LCA5: variants seen among roughly 807,000 people sequenced by gnomAD.
LCA5 encodes lebercilin.
Under a neutral mutation model 53.0 loss-of-function variants are expected in LCA5, and 37 were observed. The observed-to-expected ratio is 0.70, with a 90% CI of 0.54 to 0.92. The LOEUF is 0.92. Ranked by LOEUF, LCA5 falls within the 40% of genes least tolerant of loss-of-function variation. The probability of loss-of-function intolerance (pLI) is 0.00; values close to 1 mark genes in which losing one functional copy is unlikely to be tolerated. For missense variants in LCA5, 806 were observed against 790.5 expected (o/e 1.02, Z -0.23); for synonymous variants, 303 against 282.9 (o/e 1.07, Z -0.71).
At chr6:79,510,922 G>A (rs1770394259) in intron 3 of LCA5, among the ~76,000 whole-genome samples, 1 of 152,088 alleles carries the variant, frequency 6.6e-6, no homozygotes, top group African/African-American at 2.4e-5. Context: ...AACACCAAAT[G>A]CTGGCAAGGA....
chr6:79,521,369 C>A (rs1298603578), intron 1 of LCA5, among the ~76,000 whole-genome samples: 1 of 152,166 alleles, frequency 6.6e-6, no homozygotes, highest in Non-Finnish European at 1.5e-5. Context: ...GTTCGAATGA[C>A]TTTAAAACAC....
Position 79,485,798 on chromosome 6 carries a change from A to G in LCA5, c.*1206T>C, listed in dbSNP as rs1769635745. ...TTCTTCCCAACACACTATTTCCACC[A>G]CTCTTCATTTTAACAATGTTTTCTC... On this transcript the variant is annotated 3_prime_UTR_variant, in exon 8 of 8. Coordinates refer to ENST00000369846, the MANE Select transcript of LCA5 (RefSeq NM_001122769.3). 1 of 151,736 alleles carries G rather than the reference A, an allele frequency of 6.6e-6. No homozygotes were observed. Among genetic ancestry groups the G allele is most frequent in the African/African-American group, 2.4e-5 (1 of 41,260 alleles). The allele number at this position is 151,736 out of a possible 1,614,324, so 9.4% of individuals were successfully genotyped here.
intron 3 of LCA5, among the ~76,000 whole-genome samples, chr6:79,506,197 C>G (rs2127675667): frequency 6.6e-6 from 1 of 152,188 alleles, no homozygotes; most frequent in East Asian, 1.9e-4. Context: ...TTAAAAAAGT[C>G]TTAATAGTTT....
In LCA5 at chr6:79,518,713, T is replaced by G. The variant is rs747256721; in HGVS notation, c.182A>C (p.His61Pro). Reference sequence around the variant, plus strand: ...TTTTAAAGAATGCTTACCTTGGTGATGTACTTGGCCATCTGAAGTTTGTCT... The same window carrying G: ...TTTTAAAGAATGCTTACCTTGGTGAGGTACTTGGCCATCTGAAGTTTGTCT... Reference protein sequence around the residue: ...PKRQTSDGQVHHQAPRKPSPK... With the variant: ...PKRQTSDGQVPHQAPRKPSPK... The change falls in exon 2 of 8, where the codon CAT (histidine) becomes CCT (proline). Residue 61 changes from histidine (H) to proline (P), a missense_variant. Physicochemically the swap from His to Pro is moderately conservative, Grantham distance 77 (BLOSUM62 -2). Coordinates refer to ENST00000369846, the MANE Select transcript of LCA5 (RefSeq NM_001122769.3). The G allele has an allele frequency of 1.2e-6, 2 of 1,614,028 alleles. No homozygotes were observed. The highest frequency in any genetic ancestry group is 1.1e-5 in the South Asian group (1 of 91,078).
intron 1 of LCA5, among the ~76,000 whole-genome samples, chr6:79,535,836 G>T (rs542108765): frequency 2.0e-5 from 3 of 152,266 alleles, no homozygotes; most frequent in Admixed American, 6.5e-5. Context: ...CTGAAGACTG[G>T]ATTATTGGGA....
intron 3 of LCA5, among the ~76,000 whole-genome samples, chr6:79,512,627 T>C (rs1196652997): frequency 6.6e-6 from 1 of 151,868 alleles, no homozygotes; most frequent in African/African-American, 2.4e-5. Flanking sequence ...GATACATATA[T>C]ATATAGAAGG....
chr6:79,491,943 CACTATT>C (rs1243670518), intron 5 of LCA5, among the ~76,000 whole-genome samples: 10 of 151,936 alleles, frequency 6.6e-5, no homozygotes, highest in African/African-American at 1.4e-4. Context: ...GGTTAATACT[CACTATT>C]ACTATTTTTG....
At chr6:79,537,615 C>A (rs995538586), upstream of LCA5, among the ~76,000 whole-genome samples, 2 of 152,194 alleles carry the variant, frequency 1.3e-5, no homozygotes, top group South Asian at 2.1e-4. Context: ...GAAATTGGGG[C>A]AAAACGCGGA....
chr6:79,500,605 G>A (rs907442936), intron 3 of LCA5, among the ~76,000 whole-genome samples: 2 of 152,098 alleles, frequency 1.3e-5, no homozygotes, highest in African/African-American at 4.8e-5. Context: ...AGTATTCCTA[G>A]AAGGTAGACA....
At chr6:79,532,496 G>T (rs1766986846) in intron 1 of LCA5, among the ~76,000 whole-genome samples, 1 of 152,104 alleles carries the variant, frequency 6.6e-6, no homozygotes, top group South Asian at 2.1e-4. Context: ...GTCTACTTCT[G>T]TATCCTTACA....
intron 1 of LCA5, among the ~76,000 whole-genome samples, chr6:79,526,570 A>G (rs1054852316): frequency 2.6e-5 from 4 of 151,936 alleles, no homozygotes; most frequent in Admixed American, 6.6e-5. Flanking sequence ...CAAAACAACA[A>G]ATTTTACCTA....
chr6:79,510,671 C>T (rs1175235819), intron 3 of LCA5, among the ~76,000 whole-genome samples: 1 of 152,086 alleles, frequency 6.6e-6, no homozygotes, highest in Non-Finnish European at 1.5e-5. Flanking sequence ...TGGGAGAAAA[C>T]TTTTGTAAAC....
chr6:79,530,519 G>GAAAAC (rs573838733), intron 1 of LCA5, among the ~76,000 whole-genome samples: 122 of 152,126 alleles, frequency 8.0e-4, no homozygotes, highest in African/African-American at 2.8e-3. Flanking sequence ...GTTTAAGAAA[G>GAAAAC]AAAACAAAAC....
At position 79,487,592 on chromosome 6, in the gene LCA5, T is replaced by C; in HGVS notation, c.1506A>G (p.Pro502=). 6.2e-7 allele frequency: 1 copy of C among 1,614,072 alleles called. No homozygotes were observed. The highest frequency in any genetic ancestry group is 8.5e-7 in the Non-Finnish European group (1 of 1,179,934). Residue 502 remains proline (P), a synonymous_variant, in exon 8 of 8, where the codon CCA becomes CCG. Coordinates refer to ENST00000369846, the MANE Select transcript of LCA5 (RefSeq NM_001122769.3). ...ACCTGTATGTTTTGGGGCTTCTCTC[T>C]GGGGAGTGTAGTTTTGATTCAAAAT... The part of the protein sequence containing the change: ...LPDFESKLHS[P]ERSPKTYRFS...
chr6:79,514,811 G>A (rs1285517733), intron 2 of LCA5, among the ~76,000 whole-genome samples: 2 of 152,086 alleles, frequency 1.3e-5, no homozygotes, highest in African/African-American at 4.8e-5. Context: ...GCTAAATGAT[G>A]AGAACACATA....
In LCA5 at chr6:79,487,659, T is replaced by A; in HGVS notation, c.1439A>T (p.Asp480Val). The change falls in exon 8 of 8, where the codon GAT (aspartate) becomes GTT (valine). Residue 480 changes from aspartate to valine, a missense_variant. By Grantham distance (152) the Asp-to-Val change is radical. Transcript: ENST00000369846. Reference sequence around the variant, plus strand: ...AACAGGGTATTTTAGATTTCGAGAATCTTGGAGTTCTCTGTCAATTTCATT... The same window carrying A: ...AACAGGGTATTTTAGATTTCGAGAAACTTGGAGTTCTCTGTCAATTTCATT... ...KLNEIDRELQDSRNLKYPVLP... is the reference protein window; with the variant it reads ...KLNEIDRELQVSRNLKYPVLP... The A allele has an allele frequency of 6.2e-7, 1 of 1,613,998 alleles. No individual in the cohort carries two copies.
chr6:79,522,996 C>T (rs934651684), intron 1 of LCA5, among the ~76,000 whole-genome samples: 3 of 151,260 alleles, frequency 2.0e-5, no homozygotes, highest in Admixed American at 6.6e-5. Flanking sequence ...AAAATTAACC[C>T]AAAGGAAAAT....
chr6:79,504,441 C>G (rs775910926), intron 3 of LCA5, among the ~76,000 whole-genome samples: 5 of 152,118 alleles, frequency 3.3e-5, no homozygotes, highest in Non-Finnish European at 7.4e-5. Flanking sequence ...GGTCAGGTAA[C>G]ATTTATGGAC....
chr6:79,527,798 G>T (rs577539182), intron 1 of LCA5, among the ~76,000 whole-genome samples: 102 of 152,300 alleles, frequency 6.7e-4, no homozygotes, highest in Middle Eastern at 3.4e-3. Flanking sequence ...TATGGGTTAA[G>T]AGCAGACATC....
Sources: gnomAD v4.1 joint callset for allele counts (sites outside exome capture counted in the v4.1 genomes callset) on GRCh38, gnomAD v4.1.1 for gene constraint, MANE v1.5 for transcripts, NCBI Gene and HGNC (gene_info 2026-07-23, HGNC 2026-07-21) for gene names.